ASCC3: variants seen among roughly 807,000 people sequenced by gnomAD.
The protein encoded by ASCC3 is activating signal cointegrator 1 complex subunit 3, also known as ASC-1 complex subunit P200.
In ASCC3, 158 loss-of-function variants were observed where a neutral mutation model predicts 256.3. That is an observed-to-expected ratio of 0.62 (90% CI 0.54 to 0.70). The LOEUF (loss-of-function observed/expected upper bound fraction) is 0.70, where lower values mean the gene tolerates loss of function less well. Among genes scored for constraint, ASCC3 ranks in the 30% least tolerant of loss-of-function variants. The probability of loss-of-function intolerance (pLI) is 0.00; values close to 1 mark genes in which losing one functional copy is unlikely to be tolerated. For missense variants in ASCC3, 2,259 were observed against 2,626.0 expected (o/e 0.86, Z 3.05); for synonymous variants, 948 against 883.4 (o/e 1.07, Z -1.30).
intron 33 of ASCC3, among the ~76,000 whole-genome samples, chr6:100,603,603 T>C (rs144152292): frequency 1.3e-5 from 2 of 152,102 alleles, no homozygotes; most frequent in Admixed American, 1.3e-4. Context: ...ATATTCTTTA[T>C]CAGATTAAGA....
intron 11 of ASCC3, among the ~76,000 whole-genome samples, chr6:100,722,407 C>A (rs1383015151): frequency 2.0e-5 from 3 of 151,426 alleles, no homozygotes; most frequent in African/African-American, 7.3e-5. Flanking sequence ...GCAATATACC[C>A]ATGTAACAAA....
At chr6:100,695,919 G>T (rs1406750033) in intron 13 of ASCC3, among the ~76,000 whole-genome samples, 1 of 152,176 alleles carries the variant, frequency 6.6e-6, no homozygotes, top group Non-Finnish European at 1.5e-5. Context: ...GTCAAAGTTA[G>T]CCTATGGCAG....
At chr6:100,633,009 A>G (rs73500993) in intron 25 of ASCC3, among the ~76,000 whole-genome samples, 137 of 152,288 alleles carry the variant, frequency 9.0e-4, no homozygotes, top group African/African-American at 3.2e-3. Flanking sequence ...AATAAAATCA[A>G]CAGAGAGACA....
intron 4 of ASCC3, among the ~76,000 whole-genome samples, chr6:100,810,375 G>T (rs1297339162): frequency 6.6e-6 from 1 of 152,062 alleles, no homozygotes; most frequent in African/African-American, 2.4e-5. Context: ...AGCATACAAA[G>T]ATTTCTCATT....
intron 10 of ASCC3, among the ~76,000 whole-genome samples, chr6:100,756,422 A>C (rs185388797): frequency 6.6e-6 from 1 of 152,096 alleles, no homozygotes; most frequent in Admixed American, 6.6e-5. Context: ...GAAAAAATAA[A>C]CTTTCTTAAT....
At chr6:100,582,961 T>G (rs1771394992) in intron 36 of ASCC3, among the ~76,000 whole-genome samples, 1 of 152,126 alleles carries the variant, frequency 6.6e-6, no homozygotes, top group Non-Finnish European at 1.5e-5. Context: ...TGGATAAGCT[T>G]TTTGATGTGC....
chr6:100,580,985 T>A (rs1484657778), intron 36 of ASCC3, among the ~76,000 whole-genome samples: 2 of 152,196 alleles, frequency 1.3e-5, no homozygotes, highest in African/African-American at 4.8e-5. Flanking sequence ...CTATCATTGT[T>A]GGACATTTGG....
chr6:100,535,782 C>T (rs891162497), intron 37 of ASCC3, among the ~76,000 whole-genome samples: 2 of 152,152 alleles, frequency 1.3e-5, no homozygotes, highest in Admixed American at 6.5e-5. Context: ...TGGTTTTCAT[C>T]TCTTTACAAT....
Position 100,747,366 on chromosome 6 carries a change from T to C in ASCC3, c.1737+19199A>G, listed in dbSNP as rs78541948. On this transcript the variant is annotated intron_variant, in intron 10 of 41. Coordinates refer to ENST00000369162, the MANE Select transcript of ASCC3 (RefSeq NM_006828.4). ...GTTTCTCAAAAAAACATCTACTGTA[T>C]GTCAGGCAATTCCACTCCTAGGTAT... Among the ~76,000 whole-genome samples, 1,273 of 152,204 alleles carry C rather than the reference T, an allele frequency of 8.4e-3. 12 individuals are homozygous for C. The highest frequency in any genetic ancestry group is 0.029 in the African/African-American group (1,211 of 41,556).
intron 8 of ASCC3, among the ~76,000 whole-genome samples, chr6:100,796,355 A>G (rs1349309183): frequency 1.3e-5 from 2 of 152,168 alleles, no homozygotes; most frequent in African/African-American, 4.8e-5. Flanking sequence ...TTTATTAAAC[A>G]GAATGAAAAC....
At chr6:100,772,442 T>TTA (rs1401573491) in intron 8 of ASCC3, among the ~76,000 whole-genome samples, 1 of 152,156 alleles carries the variant, frequency 6.6e-6, no homozygotes, top group Non-Finnish European at 1.5e-5. Flanking sequence ...AAACAAAATG[T>TTA]TATATATTGA....
intron 10 of ASCC3, among the ~76,000 whole-genome samples, chr6:100,763,888 C>A (rs1345973462): frequency 6.6e-6 from 1 of 152,184 alleles, no homozygotes; most frequent in African/African-American, 2.4e-5. Context: ...AGGCAAAATA[C>A]CTGTGTCTGC....
intron 13 of ASCC3, among the ~76,000 whole-genome samples, chr6:100,685,704 A>G (rs1169490062): frequency 1.3e-5 from 2 of 152,236 alleles, no homozygotes. Context: ...CACTACAGAT[A>G]TATTTCAGAT....
chr6:100,858,471 G>T, intron 3 of ASCC3: 1 of 642,338 alleles, frequency 1.6e-6, no homozygotes, highest in East Asian at 1.4e-4. Flanking sequence ...CAGCTTATCA[G>T]ATTAACAAAA....
At chr6:100,878,485 T>C (rs1039080344) in intron 1 of ASCC3, among the ~76,000 whole-genome samples, 1 of 151,884 alleles carries the variant, frequency 6.6e-6, no homozygotes, top group African/African-American at 2.4e-5. Context: ...TAAAAAAAAA[T>C]ATTTTAACAC....
At chr6:100,591,921 G>T (rs1392521059) in intron 34 of ASCC3, among the ~76,000 whole-genome samples, 1 of 151,384 alleles carries the variant, frequency 6.6e-6, no homozygotes. Flanking sequence ...AACTTTCCTT[G>T]AAAAAATTAC....
At chr6:100,602,943 A>G (rs961406394) in intron 33 of ASCC3, among the ~76,000 whole-genome samples, 3 of 152,086 alleles carry the variant, frequency 2.0e-5, no homozygotes, top group Non-Finnish European at 4.4e-5. Flanking sequence ...AAAAGTTGCT[A>G]TGTTACTCTC....
At chr6:100,803,903 G>A (rs982212127) in intron 5 of ASCC3, among the ~76,000 whole-genome samples, 2 of 151,996 alleles carry the variant, frequency 1.3e-5, no homozygotes, top group African/African-American at 4.8e-5. Context: ...AATTTCTTAC[G>A]CTCATATACT....
At chr6:100,880,166 A>G (rs563244870) in intron 1 of ASCC3, among the ~76,000 whole-genome samples, 24 of 152,354 alleles carry the variant, frequency 1.6e-4, no homozygotes, top group Admixed American at 6.5e-4. Flanking sequence ...ATCTTTAAGG[A>G]TCATTTTTCT....
Sources: gnomAD v4.1 joint callset for allele counts (sites outside exome capture counted in the v4.1 genomes callset) on GRCh38, gnomAD v4.1.1 for gene constraint, MANE v1.5 for transcripts, NCBI Gene and HGNC (gene_info 2026-07-23, HGNC 2026-07-21) for gene names.